Variants in PDCD11 observed in about 807,000 individuals in gnomAD.
The protein encoded by PDCD11 is protein RRP5 homolog.
PDCD11 carries 97 observed loss-of-function variants against 198.9 expected under a neutral mutation model. The observed-to-expected ratio is 0.49, with a 90% CI of 0.41 to 0.58. The LOEUF is 0.58. PDCD11 is among the 20% of genes least tolerant of loss of function. PDCD11 has a pLI of 0.00. For synonymous variants in PDCD11, 893 were observed against 918.0 expected, an observed-to-expected ratio of 0.97 and a Z score of 0.49; for missense variants, 2,102 against 2,312.7, an observed-to-expected ratio of 0.91 and a Z score of 1.87.
In PDCD11 at chr10:103,440,593, C is replaced by A; in HGVS notation, c.4440+12C>A. 1 of 1,608,742 alleles carries A rather than the reference C, an allele frequency of 6.2e-7. No individual in the cohort carries two copies. The highest frequency in any genetic ancestry group is 8.5e-7 in the Non-Finnish European group (1 of 1,178,226). ...CTGGGAGTGAGCAGGTGAGGTCCTG[C>A]GGAGGGCTGTGGCTGCCTATCCTCC... On this transcript the variant is annotated intron_variant, in intron 29 of 35. Coordinates refer to ENST00000369797, the MANE Select transcript of PDCD11 (RefSeq NM_014976.2).
At chr10:103,439,614 G>T in intron 27 of PDCD11, 132 bp from the exon 28 acceptor site, 1 of 975,686 alleles carries the variant, frequency 1.0e-6, no homozygotes, top group South Asian at 1.4e-5. Context: ...TCATCCTGCT[G>T]AATGCCAGGA....
At chr10:103,431,397 C>CTGGCGA (rs2031927629) in intron 21 of PDCD11, among the ~76,000 whole-genome samples, 2 of 151,896 alleles carry the variant, frequency 1.3e-5, no homozygotes, top group Non-Finnish European at 2.9e-5. Flanking sequence ...TCGAGACCAG[C>CTGGCGA]CTGGCCAACA....
At chr10:103,401,843 C>T (rs1031027132) in intron 3 of PDCD11, among the ~76,000 whole-genome samples, 4 of 151,560 alleles carry the variant, frequency 2.6e-5, no homozygotes, top group East Asian at 2.0e-4. Context: ...CCCGGGTTCT[C>T]GCCATTCTCC....
In PDCD11 at chr10:103,405,022, G is replaced by T. The variant is rs779533612; in HGVS notation, c.403G>T (p.Asp135Tyr). ...EQVTQEQPLK[D>Y]LLHLPELFSP... ...GGTCTTTCTCATTTGTGTTATGCAG[G>T]ACCTACTTCACTTGCCTGAACTTTT... The change falls in exon 5 of 36, where the codon GAC becomes TAC. Residue 135 changes from aspartate (D) to tyrosine (Y), a missense_variant and splice_region_variant. Transcript: ENST00000369797. 6.2e-7 allele frequency: 1 copy of T among 1,613,688 alleles called. No homozygotes were observed. The highest frequency in any genetic ancestry group is 8.5e-7 in the Non-Finnish European group (1 of 1,179,762).
At position 103,442,257 on chromosome 10, in the gene PDCD11, A is replaced by G. The variant is rs758760871; in HGVS notation, c.4752A>G (p.Ala1584=). Residue 1584 remains alanine, a synonymous_variant, in exon 32 of 36, where the codon GCA becomes GCG. Transcript: ENST00000369797. ...KKERELEKQK[A]EKELSRIEEA... Reference sequence around the variant, plus strand: ...AAAGGGAGTTGGAGAAGCAGAAGGCAGAGAAGGAACTGTCCCGCATTGAGG... The same window carrying G: ...AAAGGGAGTTGGAGAAGCAGAAGGCGGAGAAGGAACTGTCCCGCATTGAGG... 6.2e-7 allele frequency: 1 copy of G among 1,614,218 alleles called. No individual in the cohort carries two copies. Among genetic ancestry groups the G allele is most frequent in the Non-Finnish European group, 8.5e-7 (1 of 1,180,028 alleles).
In PDCD11 at chr10:103,413,113, T is replaced by C. The variant is rs746706707; in HGVS notation, c.979-3T>C. ...TGCTCACCCTGCCCTTCCTTTTGTC[T>C]AGGTGAGGGCCTGCATCCTTTGCGT... is the stretch of plus-strand genomic sequence containing the variant. On this transcript the variant is annotated splice_region_variant and splice_polypyrimidine_tract_variant and intron_variant, in intron 8 of 35. Transcript: ENST00000369797. 1.2e-6 allele frequency: 2 copies of C among 1,613,114 alleles called. No individual in the cohort carries two copies. The highest frequency in any genetic ancestry group is 4.5e-5 in the East Asian group (2 of 44,884).
Position 103,416,548 on chromosome 10 carries a change from A to G in PDCD11, c.1576A>G (p.Ile526Val). 2 of 1,614,154 alleles carry G rather than the reference A, an allele frequency of 1.2e-6. No individual in the cohort carries two copies. Among genetic ancestry groups the G allele is most frequent in the Non-Finnish European group, 1.7e-6 (2 of 1,180,020 alleles). ...KLMMTLKKTL[I>V]ESKLPVITCY... Reference sequence around the variant, plus strand: ...GATGATGACCCTGAAAAAAACCCTGATTGAGTCCAAACTACCTGTCATTAC... The same window carrying G: ...GATGATGACCCTGAAAAAAACCCTGGTTGAGTCCAAACTACCTGTCATTAC... Residue 526 changes from isoleucine to valine, a missense_variant, in exon 13 of 36, where the codon ATT becomes GTT. Ile to Val is a conservative substitution (Grantham distance 29, BLOSUM62 3). Coordinates refer to ENST00000369797, the MANE Select transcript of PDCD11 (RefSeq NM_014976.2).
At chr10:103,405,935 G>GTT (rs780422623) in intron 5 of PDCD11, 50 bp from the exon 6 acceptor site, 1 of 1,595,640 alleles carries the variant, frequency 6.3e-7, no homozygotes, top group Admixed American at 1.7e-5. Context: ...TTTTGTGTGT[G>GTT]TCCCATTACC....
In PDCD11 at chr10:103,443,318, G is replaced by A; in HGVS notation, c.5109G>A (p.Lys1703=). 6.2e-7 allele frequency: 1 copy of A among 1,606,792 alleles called. No homozygotes were observed. The highest frequency in any genetic ancestry group is 1.7e-4 in the Middle Eastern group (1 of 6,034). The part of the protein sequence containing the change: ...VFLHLADIYA[K]SEKFQEAGEL... ...TCCACCTGGCTGACATCTACGCCAAGTCAGAGAAATTCCAGGTAGGAGGTT... is the reference window on the plus strand; with the variant it reads ...TCCACCTGGCTGACATCTACGCCAAATCAGAGAAATTCCAGGTAGGAGGTT... The change falls in exon 33 of 36, where the codon AAG becomes AAA. Residue 1703 remains lysine, a synonymous_variant. Transcript: ENST00000369797.
chr10:103,436,090 C>G (rs1409893914), intron 25 of PDCD11, among the ~76,000 whole-genome samples: 1 of 150,954 alleles, frequency 6.6e-6, no homozygotes, highest in Non-Finnish European at 1.5e-5. Context: ...TGCAGTGGCA[C>G]AATCTTGGCT....
At chr10:103,436,101 C>CTTGTT (rs771664459) in intron 25 of PDCD11, among the ~76,000 whole-genome samples, 4 of 150,032 alleles carry the variant, frequency 2.7e-5, no homozygotes, top group East Asian at 2.0e-4. Flanking sequence ...AATCTTGGCT[C>CTTGTT]TTGTTTTGTT....
intron 3 of PDCD11, among the ~76,000 whole-genome samples, chr10:103,400,987 T>A (rs2030006024): frequency 6.6e-6 from 1 of 152,214 alleles, no homozygotes; most frequent in Non-Finnish European, 1.5e-5. Context: ...ACTCCTGTGC[T>A]CAAGCAATCC....
Position 103,434,780 on chromosome 10 carries a change from G to T in PDCD11, c.3668-18G>T, listed in dbSNP as rs1347524078. The T allele has an allele frequency of 1.3e-6, 2 of 1,597,830 alleles. No homozygotes were observed. The highest frequency in any genetic ancestry group is 1.3e-5 in the African/African-American group (1 of 74,288). On this transcript the variant is annotated intron_variant, in intron 24 of 35. Transcript: ENST00000369797. Reference sequence around the variant, plus strand: ...AGCTCATTTCCTCTTCCCTGAATCAGGTTGGTTCTTCCACCAGGTCCTCAC... The same window carrying T: ...AGCTCATTTCCTCTTCCCTGAATCATGTTGGTTCTTCCACCAGGTCCTCAC...
intron 21 of PDCD11, 134 bp downstream of exon 21, chr10:103,427,525 C>G (rs1038263067): frequency 3.7e-5 from 26 of 694,716 alleles, no homozygotes; most frequent in South Asian, 3.7e-4. Context: ...TTTCTTGTTT[C>G]TCTAGTGGGG....
At chr10:103,434,140 ATTT>A (rs2032049667) in intron 23 of PDCD11, 103 bp downstream of exon 23, 1 of 1,226,984 alleles carries the variant, frequency 8.2e-7, no homozygotes, top group East Asian at 2.3e-5. Context: ...CTTGTTCTTT[ATTT>A]AAGGGTTGCT....
intron 31 of PDCD11, 114 bp from the exon 32 acceptor site, chr10:103,442,099 C>A: frequency 1.3e-6 from 2 of 1,545,174 alleles, no homozygotes; most frequent in Admixed American, 1.7e-5. Flanking sequence ...CAGTCCCAGG[C>A]CAGGGGGTAT....
rs1300518210 is a variant in PDCD11, at chr10:103,425,217, C to T, written c.2997C>T (p.Ala999=). The T allele has an allele frequency of 6.2e-7, 1 of 1,614,080 alleles. No homozygotes were observed. The change falls in exon 20 of 36, where the codon GCC becomes GCT. Residue 999 remains alanine (A), a synonymous_variant. Transcript: ENST00000369797. The part of the protein sequence containing the change: ...GLLLAVEGPA[A]KRTMRPTQKD... ...TTTTGGCTGTGGAGGGGCCGGCTGC[C>T]AAGAGGACCATGAGGCCGACCCAGA... is the stretch of plus-strand genomic sequence containing the variant.
rs374511140 is a variant in PDCD11 at position 103,434,288 on chromosome 10, C to G, written c.3605C>G (p.Ala1202Gly). The G allele has an allele frequency of 1.7e-5, 28 of 1,613,878 alleles. No homozygotes were observed. The highest frequency in any genetic ancestry group is 2.3e-5 in the Non-Finnish European group (27 of 1,179,716). ...GATAAGAAGTTCCGGGTTGGCCAGG[C>G]CCTGAGGGCCACCGTTGTTGGCCCA... is the stretch of plus-strand genomic sequence containing the variant. ...HPDKKFRVGQ[A>G]LRATVVGPDS... Residue 1202 changes from alanine (A) to glycine (G), a missense_variant, in exon 24 of 36, where the codon GCC becomes GGC. By Grantham distance (60) the Ala-to-Gly change is moderately conservative. Transcript: ENST00000369797.
In PDCD11 at chr10:103,411,014, G is replaced by GCAGTGAGC. The variant is rs760928350; in HGVS notation, c.978+1210_978+1217dup. ...CGCTTGAACCCAGGAGGCAGAGGTT[G>GCAGTGAGC]CAGTGAGCCGAGATTGTGCCACTGC... On this transcript the variant is annotated intron_variant, in intron 8 of 35. Coordinates refer to ENST00000369797, the MANE Select transcript of PDCD11 (RefSeq NM_014976.2). Among the ~76,000 whole-genome samples the GCAGTGAGC allele has an allele frequency of 1.4e-4, 21 of 151,724 alleles. No individual in the cohort carries two copies. In the East Asian group the frequency reaches 1.6e-3, roughly 11 times the overall value.
Sources: gnomAD v4.1 joint callset for allele counts (sites outside exome capture counted in the v4.1 genomes callset) on GRCh38, gnomAD v4.1.1 for gene constraint, MANE v1.5 for transcripts, NCBI Gene and HGNC (gene_info 2026-07-23, HGNC 2026-07-21) for gene names.